Variants in ZFHX3 observed in about 807,000 individuals in gnomAD.
ZFHX3 encodes the protein zinc finger homeobox protein 3.
Under a neutral mutation model 279.1 loss-of-function variants are expected in ZFHX3, and 42 were observed. The ratio of observed to expected loss-of-function variants is 0.15; its 90% confidence interval spans 0.12 to 0.19. The LOEUF is 0.19. Ranked by LOEUF, ZFHX3 falls within the 10% of genes least tolerant of loss-of-function variation. The pLI, the probability that ZFHX3 is intolerant of heterozygous loss-of-function variation, is 1.00. For synonymous variants in ZFHX3, 2,293 were observed against 1,957.8 expected, an observed-to-expected ratio of 1.17 and a Z score of -4.52; for missense variants, 4,981 against 4,754.0, an observed-to-expected ratio of 1.05 and a Z score of -1.40.
chr16:73,444,211 C>G (rs2018142987), intron 3 of ZFHX3, among the ~76,000 whole-genome samples: 1 of 152,100 alleles, frequency 6.6e-6, no homozygotes. Flanking sequence ...TTTTCAAGTC[C>G]CATGAAGTGA....
At chr16:73,486,805 CA>C (rs2018981630) in intron 2 of ZFHX3, 2 of 455,782 alleles carry the variant, frequency 4.4e-6, no homozygotes, top group African/African-American at 2.0e-5. Flanking sequence ...ATCCATCGTT[CA>C]ATGTACCGTG....
chr16:73,831,697 A>C (rs1255253464), intron 1 of ZFHX3, among the ~76,000 whole-genome samples: 3 of 152,196 alleles, frequency 2.0e-5, no homozygotes, highest in African/African-American at 4.8e-5. Flanking sequence ...AAGAATGATT[A>C]TTTTCAACTC....
At chr16:73,415,385 C>T (rs116735406) in intron 3 of ZFHX3, among the ~76,000 whole-genome samples, 213 of 152,258 alleles carry the variant, frequency 1.4e-3, no homozygotes, top group African/African-American at 4.8e-3. Context: ...TATTTACATC[C>T]AGTATAATTC....
intron 4 of ZFHX3, among the ~76,000 whole-genome samples, chr16:73,260,425 A>T (rs1178649749): frequency 6.6e-6 from 1 of 152,006 alleles, no homozygotes; most frequent in Non-Finnish European, 1.5e-5. Flanking sequence ...CTGTGCTACT[A>T]TCGATGTTTA....
chr16:73,730,740 T>C (rs1421183213), intron 1 of ZFHX3, among the ~76,000 whole-genome samples: 1 of 152,212 alleles, frequency 6.6e-6, no homozygotes, highest in Admixed American at 6.5e-5. Flanking sequence ...CCGGCCATTT[T>C]TTCAAACAAA....
At chr16:73,111,075 G>T (rs1966367513) in intron 7 of ZFHX3, among the ~76,000 whole-genome samples, 3 of 152,032 alleles carry the variant, frequency 2.0e-5, no homozygotes, top group African/African-American at 7.2e-5. Flanking sequence ...TGAGTAGCTG[G>T]GAGTACAGGT....
Position 72,786,148 on chromosome 16 carries a change from G to C in ZFHX3, c.*1016C>G, listed in dbSNP as rs1239112001. 6.6e-6 allele frequency: 1 copy of C among 152,268 alleles called. No individual in the cohort carries two copies. The allele number at this position is 152,268 out of a possible 1,614,324, so 9.4% of individuals were successfully genotyped here. A position where few individuals can be genotyped will look rare whatever the true frequency, so the allele number is the denominator to read the frequency against. ...GGAGAAAAGCTTAGGCGAATCAACG[G>C]ATTGCAATCTATCATCTGCTAGGAA... is the stretch of plus-strand genomic sequence containing the variant. On this transcript the variant is annotated 3_prime_UTR_variant, in exon 10 of 10. Coordinates refer to ENST00000268489, the MANE Select transcript of ZFHX3 (RefSeq NM_006885.4).
intron 3 of ZFHX3, among the ~76,000 whole-genome samples, chr16:72,917,184 C>G (rs537104365): frequency 6.6e-6 from 1 of 152,128 alleles, no homozygotes; most frequent in East Asian, 1.9e-4. Context: ...GAGGCTACAG[C>G]GAGCCATGAT....
At position 72,965,395 on chromosome 16, in the gene ZFHX3, G is replaced by GA. The variant is rs575945238; in HGVS notation, c.-49-5202dup. 1.1e-3 allele frequency among the ~76,000 whole-genome samples: 166 copies of GA among 152,254 alleles called. 1 individual carries two copies. The highest frequency in any genetic ancestry group is 3.9e-3 in the African/African-American group (161 of 41,544). On this transcript the variant is annotated intron_variant, in intron 1 of 9. Coordinates refer to ENST00000268489, the MANE Select transcript of ZFHX3 (RefSeq NM_006885.4). ...AGTTCAAAGCAGACTGATTTGCTTG[G>GA]ATATCTTTAGGCAGACAAGAGAGGA... is the stretch of plus-strand genomic sequence containing the variant.
chr16:73,518,348 T>C (rs955843192), intron 2 of ZFHX3, among the ~76,000 whole-genome samples: 2 of 152,254 alleles, frequency 1.3e-5, no homozygotes, highest in African/African-American at 4.8e-5. Context: ...CATATACAAC[T>C]AGGATTTACT....
At chr16:73,601,299 C>CAAAAA (rs1217744713) in intron 2 of ZFHX3, among the ~76,000 whole-genome samples, 1 of 60,478 alleles carries the variant, frequency 1.7e-5, no homozygotes, top group Non-Finnish European at 3.8e-5. Flanking sequence ...ACTAAAAATA[C>CAAAAA]AAAAAAAAAA....
intron 1 of ZFHX3, among the ~76,000 whole-genome samples, chr16:73,870,285 A>G (rs1370874158): frequency 6.6e-6 from 1 of 152,228 alleles, no homozygotes. Flanking sequence ...TCCAAGTTAC[A>G]TATTCCATCT....
chr16:73,586,522 T>A (rs983174005), intron 2 of ZFHX3, among the ~76,000 whole-genome samples: 5 of 151,748 alleles, frequency 3.3e-5, no homozygotes, highest in Non-Finnish European at 7.4e-5. Flanking sequence ...ACTATTATTA[T>A]TGGATAAAAT....
chr16:73,589,786 T>C (rs2143839899), intron 2 of ZFHX3, among the ~76,000 whole-genome samples: 1 of 141,076 alleles, frequency 7.1e-6, no homozygotes, highest in East Asian at 2.2e-4. Flanking sequence ...ATACCCTGTC[T>C]TGTGCATTTG....
At chr16:73,379,057 T>C (rs1263042993) in intron 3 of ZFHX3, among the ~76,000 whole-genome samples, 1 of 152,228 alleles carries the variant, frequency 6.6e-6, no homozygotes, top group African/African-American at 2.4e-5. Context: ...ATTCTGACGA[T>C]CCCACGAAGG....
chr16:73,583,677 A>G (rs1021769643), intron 2 of ZFHX3, among the ~76,000 whole-genome samples: 7 of 152,338 alleles, frequency 4.6e-5, no homozygotes, highest in Admixed American at 2.6e-4. Flanking sequence ...TTCTGGATAG[A>G]CATGTTCAAT....
intron 3 of ZFHX3, among the ~76,000 whole-genome samples, chr16:73,436,234 T>A (rs963308020): frequency 5.3e-5 from 8 of 152,068 alleles, no homozygotes; most frequent in African/African-American, 1.7e-4. Context: ...GGCAGGAGAA[T>A]CGCTTGAGCC....
At chr16:73,158,250 T>A (rs927042011) in intron 5 of ZFHX3, among the ~76,000 whole-genome samples, 3 of 152,168 alleles carry the variant, frequency 2.0e-5, no homozygotes, top group Non-Finnish European at 4.4e-5. Context: ...GCTACAGTGT[T>A]GAAATCTAAC....
chr16:73,820,395 G>A (rs1960703453), intron 1 of ZFHX3, among the ~76,000 whole-genome samples: 1 of 152,086 alleles, frequency 6.6e-6, no homozygotes, highest in South Asian at 2.1e-4. Flanking sequence ...TTAACTGGCT[G>A]GTGGCTTCTG....
Sources: gnomAD v4.1 joint callset for allele counts (sites outside exome capture counted in the v4.1 genomes callset) on GRCh38, gnomAD v4.1.1 for gene constraint, MANE v1.5 for transcripts, NCBI Gene and HGNC (gene_info 2026-07-23, HGNC 2026-07-21) for gene names.